The following NALF1 variants were observed in gnomAD, a reference collection of about 807,000 sequenced individuals.
The protein encoded by NALF1 is NALCN channel auxiliary factor 1.
In NALF1, 3 loss-of-function variants were observed where a neutral mutation model predicts 48.4. The ratio of observed to expected loss-of-function variants is 0.06; its 90% CI spans 0.03 to 0.16. The LOEUF (loss-of-function observed/expected upper bound fraction) is 0.16. Ranked by LOEUF, NALF1 falls within the 10% of genes least tolerant of loss-of-function variation. NALF1 has a pLI of 1.00. For synonymous variants in NALF1, 262 were observed against 245.7 expected, an observed-to-expected ratio of 1.07 and a Z score of -0.62; for missense variants, 526 against 571.5, an observed-to-expected ratio of 0.92 and a Z score of 0.81.
At chr13:107,471,259 G>A (rs531026788) in intron 1 of NALF1, among the ~76,000 whole-genome samples, 38 of 151,494 alleles carry the variant, frequency 2.5e-4, no homozygotes, top group Admixed American at 6.5e-4. Flanking sequence ...TTAAAAATGC[G>A]GATTATATTC....
chr13:107,338,199 T>A (rs1165621223), intron 1 of NALF1, among the ~76,000 whole-genome samples: 2 of 152,228 alleles, frequency 1.3e-5, no homozygotes, highest in Non-Finnish European at 2.9e-5. Flanking sequence ...TCTTACTATG[T>A]GCTAAGCACT....
At chr13:107,789,315 T>C (rs1878164025) in intron 1 of NALF1, among the ~76,000 whole-genome samples, 1 of 152,244 alleles carries the variant, frequency 6.6e-6, no homozygotes, top group Non-Finnish European at 1.5e-5. Flanking sequence ...TACAGAGTGA[T>C]TTCACAATTT....
At chr13:107,464,497 TTAAA>T (rs1479015229) in intron 1 of NALF1, among the ~76,000 whole-genome samples, 1 of 152,132 alleles carries the variant, frequency 6.6e-6, no homozygotes, top group African/African-American at 2.4e-5. Context: ...ATGCCATTGT[TTAAA>T]TAAATGCAAT....
chr13:107,427,740 A>G (rs1210787522), intron 1 of NALF1, among the ~76,000 whole-genome samples: 2 of 152,180 alleles, frequency 1.3e-5, no homozygotes, highest in East Asian at 3.9e-4. Flanking sequence ...TTTCCTTTTC[A>G]GACCCAATCA....
chr13:107,711,178 A>G (rs1427642010), intron 1 of NALF1, among the ~76,000 whole-genome samples: 1 of 152,138 alleles, frequency 6.6e-6, no homozygotes, highest in Non-Finnish European at 1.5e-5. Context: ...CTTGTTGGCA[A>G]CCTGAGGGAA....
intron 1 of NALF1, among the ~76,000 whole-genome samples, chr13:107,716,527 TG>T (rs1875825875): frequency 6.6e-6 from 1 of 152,212 alleles, no homozygotes; most frequent in East Asian, 1.9e-4. Flanking sequence ...CAGACAAATT[TG>T]TTGGGCCACT....
At chr13:107,433,909 T>G (rs1884423132) in intron 1 of NALF1, among the ~76,000 whole-genome samples, 2 of 152,284 alleles carry the variant, frequency 1.3e-5, no homozygotes, top group Middle Eastern at 3.4e-3. Flanking sequence ...GCTGGTAGAT[T>G]GCTGTGTGTT....
At chr13:107,679,163 A>G (rs1594202190) in intron 1 of NALF1, among the ~76,000 whole-genome samples, 1 of 152,232 alleles carries the variant, frequency 6.6e-6, no homozygotes, top group African/African-American at 2.4e-5. Context: ...ATGTTAAAAT[A>G]TGATAATTGC....
chr13:107,793,478 G>C (rs1240926044), intron 1 of NALF1, among the ~76,000 whole-genome samples: 1 of 152,118 alleles, frequency 6.6e-6, no homozygotes, highest in Non-Finnish European at 1.5e-5. Flanking sequence ...CATGCAAAAT[G>C]CTATTGTGAA....
chr13:107,267,541 C>G (rs1566469331), intron 1 of NALF1, among the ~76,000 whole-genome samples: 2 of 152,060 alleles, frequency 1.3e-5, no homozygotes, highest in South Asian at 4.1e-4. Flanking sequence ...CCTGTCTATG[C>G]TAAAAAAAAT....
chr13:107,381,116 A>C (rs1883431268), intron 1 of NALF1, among the ~76,000 whole-genome samples: 1 of 148,684 alleles, frequency 6.7e-6, no homozygotes, highest in African/African-American at 2.5e-5. Flanking sequence ...ATATATATTC[A>C]TATATGAAAT....
Position 107,865,987 on chromosome 13 carries a change from C to T in NALF1, c.610G>A (p.Gly204Arg). ...GGATGCTTGCTCCTCACCTCCTGCC[C>T]GTCCCCCCCGGCCGCCCCCCGACTC... is the stretch of plus-strand genomic sequence containing the variant. The part of the protein sequence containing the change: ...NWSRGAAGGD[G>R]QEVRSKHPTP... The change falls in exon 1 of 3, where the codon GGG (glycine) becomes AGG (arginine). Residue 204 changes from glycine (G) to arginine (R), a missense_variant. Physicochemically the swap from Gly to Arg is moderately radical, Grantham distance 125. Coordinates refer to ENST00000375915, the MANE Select transcript of NALF1 (RefSeq NM_001080396.3). The T allele has an allele frequency of 6.2e-7, 1 of 1,612,510 alleles. No individual in the cohort carries two copies.
chr13:107,262,693 T>C (rs1454363681), intron 1 of NALF1, among the ~76,000 whole-genome samples: 1 of 151,942 alleles, frequency 6.6e-6, no homozygotes, highest in Admixed American at 6.6e-5. Context: ...ATGGGATAGA[T>C]GCTCCATTTT....
intron 1 of NALF1, among the ~76,000 whole-genome samples, chr13:107,625,416 T>C (rs1177238416): frequency 6.6e-6 from 1 of 152,130 alleles, no homozygotes; most frequent in Non-Finnish European, 1.5e-5. Context: ...AACTATTTAA[T>C]GTAGATGTTA....
At chr13:107,706,954 G>A (rs1464523094) in intron 1 of NALF1, among the ~76,000 whole-genome samples, 4 of 102,800 alleles carry the variant, frequency 3.9e-5, no homozygotes, top group South Asian at 6.8e-4. Flanking sequence ...ACGGAGTCTC[G>A]CTCTGTCGCC....
intron 1 of NALF1, among the ~76,000 whole-genome samples, chr13:107,678,871 C>T (rs912943690): frequency 6.6e-6 from 1 of 152,132 alleles, no homozygotes; most frequent in African/African-American, 2.4e-5. Flanking sequence ...TCCCGTAACA[C>T]GTGGGGATTA....
intron 1 of NALF1, among the ~76,000 whole-genome samples, chr13:107,792,086 T>C (rs900742027): frequency 6.6e-6 from 1 of 152,134 alleles, no homozygotes; most frequent in Non-Finnish European, 1.5e-5. Context: ...TAAAATGTTG[T>C]CCCACTTTGG....
chr13:107,276,427 C>G (rs370132421), intron 1 of NALF1, among the ~76,000 whole-genome samples: 12 of 152,244 alleles, frequency 7.9e-5, no homozygotes, highest in African/African-American at 2.4e-4. Flanking sequence ...CAGGAAATAA[C>G]AGATTACGTA....
At chr13:107,298,351 C>CAAAA (rs1192707023) in intron 1 of NALF1, among the ~76,000 whole-genome samples, 737 of 16,618 alleles carry the variant, frequency 0.044, 162 homozygotes, top group African/African-American at 0.073. Context: ...GACTCCATCT[C>CAAAA]AAAAAAAAAA....
Sources: gnomAD v4.1 joint callset for allele counts (sites outside exome capture counted in the v4.1 genomes callset) on GRCh38, gnomAD v4.1.1 for gene constraint, MANE v1.5 for transcripts, NCBI Gene and HGNC (gene_info 2026-07-23, HGNC 2026-07-21) for gene names.